The following TNC variants were observed in gnomAD, a reference collection of about 807,000 sequenced individuals.
TNC encodes tenascin C.
A neutral mutation model predicts 202.4 loss-of-function variants in TNC; 109 were observed. The observed-to-expected ratio is 0.54, with a 90% confidence interval of 0.46 to 0.63. TNC has a LOEUF of 0.63. Among genes scored for constraint, TNC ranks in the 30% least tolerant of loss-of-function variants. The probability of loss-of-function intolerance (pLI) is 0.00; values close to 1 mark genes in which losing one functional copy is unlikely to be tolerated. For synonymous variants in TNC, 1,007 were observed against 1,089.7 expected (o/e 0.92, Z 1.50); for missense variants, 2,756 against 2,833.3 (o/e 0.97, Z 0.62).
chr9:115,031,752 C>T (rs1829963926), intron 22 of TNC, 67 bp from the exon 23 acceptor site: 1 of 1,563,306 alleles, frequency 6.4e-7, no homozygotes, highest in African/African-American at 1.4e-5. Flanking sequence ...GATAAGAAGT[C>T]ATTCTATTTA....
chr9:115,044,251 G>A (rs1588044726), intron 17 of TNC, among the ~76,000 whole-genome samples: 1 of 142,934 alleles, frequency 7.0e-6, no homozygotes, highest in Non-Finnish European at 1.5e-5. Context: ...AGAGAGGAGA[G>A]GAGAAAGGAT....
Position 115,021,234 on chromosome 9 carries a change from G to A in TNC, c.6529C>T (p.His2177Tyr), listed in dbSNP as rs530760751. The part of the protein sequence containing the change: ...VNWFHWKGHE[H>Y]SIQFAEMKLR... The stretch of plus-strand genomic sequence containing the variant: ...TTCATCTCAGCAAACTGGATTGAGT[G>A]TTCGTGGCCCTTCCAGTGGAACCAG... The change falls in exon 28 of 28, where the codon CAC (histidine) becomes TAC (tyrosine). Residue 2177 changes from histidine (H) to tyrosine (Y), a missense_variant. Physicochemically the swap from His to Tyr is moderately conservative, Grantham distance 83 (BLOSUM62 2). Transcript: ENST00000350763. 5.0e-6 allele frequency: 8 copies of A among 1,613,238 alleles called. No individual in the cohort carries two copies. Among genetic ancestry groups the A allele is most frequent in the Middle Eastern group, 1.7e-4 (1 of 6,044 alleles).
chr9:115,064,994 A>C (rs1832836322), intron 10 of TNC, 75 bp from the exon 11 acceptor site: 3 of 1,529,204 alleles, frequency 2.0e-6, no homozygotes, highest in Non-Finnish European at 2.7e-6. Flanking sequence ...GGGAATGGCA[A>C]ACCCAATGCC....
In TNC at chr9:115,073,645, C is replaced by T; in HGVS notation, c.3172G>A (p.Gly1058Ser). ...EYNVLLTAEK[G>S]RHKSKPARVK... ...CGTGCGGGCTTGCTCTTGTGTCTGCCTTTCTCGGCTGTCAGGAGGACATTG... is the reference window on the plus strand; with the variant it reads ...CGTGCGGGCTTGCTCTTGTGTCTGCTTTTCTCGGCTGTCAGGAGGACATTG... Residue 1058 changes from glycine to serine, a missense_variant, in exon 10 of 28, where the codon GGC (glycine) becomes AGC (serine). Around this residue, in one of 2 missense-constraint regions of TNC, gnomAD observed 2,559 missense variants for 2,546.0 expected, o/e 1.01. Coordinates refer to ENST00000350763, the MANE Select transcript of TNC (RefSeq NM_002160.4). The T allele has an allele frequency of 6.2e-7, 1 of 1,614,190 alleles. No homozygotes were observed. The highest frequency in any genetic ancestry group is 8.5e-7 in the Non-Finnish European group (1 of 1,180,026).
intron 17 of TNC, 123 bp downstream of exon 17, chr9:115,046,287 G>T: frequency 1.7e-6 from 2 of 1,151,762 alleles, no homozygotes; most frequent in Non-Finnish European, 2.5e-6. Flanking sequence ...GTCTGTAATT[G>T]AAAGAGTCAG....
intron 4 of TNC, among the ~76,000 whole-genome samples, chr9:115,083,610 T>A (rs1265800408): frequency 6.6e-6 from 1 of 151,272 alleles, no homozygotes; most frequent in Non-Finnish European, 1.5e-5. Flanking sequence ...CTCTTTTTTT[T>A]TTTTTTTTTT....
chr9:115,106,883 TC>T (rs1389904071), intron 1 of TNC, among the ~76,000 whole-genome samples: 1 of 152,138 alleles, frequency 6.6e-6, no homozygotes, highest in Non-Finnish European at 1.5e-5. Context: ...GAGGGAAAAT[TC>T]CTTCTAAATA....
chr9:115,069,503 G>T lies in TNC; in HGVS notation c.3214+4100C>A, dbSNP rs377755034. Among the ~76,000 whole-genome samples, 40 of 151,662 alleles carry T rather than the reference G, an allele frequency of 2.6e-4. No individual in the cohort carries two copies. The East Asian group carries it at 3.5e-3, about 13-fold the overall frequency. ...AAAGAGAAGGGAGGGAATGGGAGAG[G>T]AGGAGAGGGAATGATGCCTGGTACA... On this transcript the variant is annotated intron_variant, in intron 10 of 27. Coordinates refer to ENST00000350763, the MANE Select transcript of TNC (RefSeq NM_002160.4).
rs78076325 is a variant in TNC, at chr9:115,069,068, T to A, written c.3215-4149A>T. Among the ~76,000 whole-genome samples, 135 of 152,328 alleles carry A rather than the reference T, an allele frequency of 8.9e-4. 1 individual carries two copies. Among genetic ancestry groups the A allele is most frequent in the Non-Finnish European group, 1.6e-3 (111 of 68,036 alleles). ...TACACCGGCATCGCCTGACCCACAG[T>A]AGGTATGAAATAAATATTTGCTGGA... On this transcript the variant is annotated intron_variant, in intron 10 of 27. Coordinates refer to ENST00000350763, the MANE Select transcript of TNC (RefSeq NM_002160.4).
At chr9:115,069,885 G>A (rs1833335845) in intron 10 of TNC, among the ~76,000 whole-genome samples, 1 of 147,654 alleles carries the variant, frequency 6.8e-6, no homozygotes, top group South Asian at 2.2e-4. Context: ...AGATTAAGCG[G>A]AATTGAAGAC....
At chr9:115,093,882 T>A (rs910847284) in intron 1 of TNC, among the ~76,000 whole-genome samples, 1 of 152,170 alleles carries the variant, frequency 6.6e-6, no homozygotes, top group Non-Finnish European at 1.5e-5. Context: ...AGTATGTTAT[T>A]CTTGAGCATT....
In TNC at chr9:115,063,340, A is replaced by C. The variant is rs975389865; in HGVS notation, c.3761-151T>G. On this transcript the variant is annotated intron_variant, in intron 12 of 27. Coordinates refer to ENST00000350763, the MANE Select transcript of TNC (RefSeq NM_002160.4). ...TTTACAGCAGGTGTTGAGCACACTCAAACTGTTGGCACTAAAGCCAGGGTT... is the reference window on the plus strand; with the variant it reads ...TTTACAGCAGGTGTTGAGCACACTCCAACTGTTGGCACTAAAGCCAGGGTT... 2.7e-5 allele frequency: 22 copies of C among 822,844 alleles called. No homozygotes were observed. In the African/African-American group the frequency reaches 3.1e-4, roughly 12 times the overall value. 51.0% of individuals were successfully genotyped at this position (822,844 alleles called of 1,614,324 possible). A position where few individuals can be genotyped will look rare whatever the true frequency, so the allele number is the denominator to read the frequency against.
At chr9:115,035,395 G>A in intron 21 of TNC, 61 bp from the exon 22 acceptor site, 1 of 1,549,824 alleles carries the variant, frequency 6.5e-7, no homozygotes, top group South Asian at 1.2e-5. Context: ...AGAAATTCGG[G>A]CTGGGTATCA....
At chr9:115,052,835 G>A (rs1008969827) in intron 15 of TNC, 1 of 702,712 alleles carries the variant, frequency 1.4e-6, no homozygotes, top group Non-Finnish European at 2.6e-6. Context: ...CACCAAGCCT[G>A]TGATGTGAGC....
At chr9:115,111,399 CTTTTTTTTTTTTTTT>C (rs71375272) in intron 1 of TNC, among the ~76,000 whole-genome samples, 1 of 71,342 alleles carries the variant, frequency 1.4e-5, no homozygotes, top group Non-Finnish European at 2.4e-5. Context: ...CTCTCTCTCT[CTTTTTTTTTTTTTTT>C]TTTTTTTTTT....
In TNC at chr9:115,077,969, T is replaced by G. The variant is rs1588141337; in HGVS notation, c.2648A>C (p.Asn883Thr). ...LISRRGDMSS[N>T]PAKETFTTGL... ...TGTTGTGAAGGTCTCTTTGGCTGGG[T>G]TGCTTGACATGTCACCTCTGCGGGA... is the stretch of plus-strand genomic sequence containing the variant. The change falls in exon 7 of 28, where the codon AAC (asparagine) becomes ACC (threonine). Residue 883 changes from asparagine to threonine, a missense_variant. By Grantham distance (65) the Asn-to-Thr change is moderately conservative. Coordinates refer to ENST00000350763, the MANE Select transcript of TNC (RefSeq NM_002160.4). 1 of 1,614,170 alleles carries G rather than the reference T, an allele frequency of 6.2e-7. No homozygotes were observed. Among genetic ancestry groups the G allele is most frequent in the Non-Finnish European group, 8.5e-7 (1 of 1,180,006 alleles).
intron 1 of TNC, among the ~76,000 whole-genome samples, chr9:115,099,401 T>G (rs1836052697): frequency 6.6e-6 from 1 of 152,204 alleles, no homozygotes; most frequent in Non-Finnish European, 1.5e-5. Flanking sequence ...AAGAAACATC[T>G]GTGCAATGTT....
chr9:115,035,992 G>A (rs1340207912), intron 21 of TNC, 106 bp downstream of exon 21: 1 of 1,343,602 alleles, frequency 7.4e-7, no homozygotes, highest in Non-Finnish European at 1.0e-6. Context: ...CACATTGCAA[G>A]GCCCTGACTT....
chr9:115,065,039 T>G, intron 10 of TNC, 120 bp from the exon 11 acceptor site: 7 of 1,109,046 alleles, frequency 6.3e-6, no homozygotes, highest in Non-Finnish European at 9.0e-6. Flanking sequence ...AGTGCCAGGC[T>G]TTGTTCACTG....
Sources: allele counts gnomAD v4.1 joint callset (sites outside exome capture counted in the v4.1 genomes callset), GRCh38; gene constraint gnomAD v4.1.1; regional missense constraint gnomAD v4.1.1; transcripts MANE v1.5; gene names NCBI Gene and HGNC (gene_info 2026-07-23, HGNC 2026-07-21).